Variants in SUGCT observed in about 807,000 individuals in gnomAD.
SUGCT encodes succinyl-CoA:glutarate CoA-transferase.
A neutral mutation model predicts 55.0 loss-of-function variants in SUGCT; 41 were observed. The ratio of observed to expected loss-of-function variants is 0.74; its 90% CI spans 0.58 to 0.97. SUGCT has a LOEUF of 0.97. Ranked by LOEUF, SUGCT falls within the 50% of genes least tolerant of loss-of-function variation. The probability of loss-of-function intolerance (pLI) is 0.00; values close to 1 mark genes in which losing one functional copy is unlikely to be tolerated. For missense variants in SUGCT, 568 were observed against 547.8 expected, an observed-to-expected ratio of 1.04 and a Z score of -0.37; for synonymous variants, 187 against 200.4, an observed-to-expected ratio of 0.93 and a Z score of 0.56.
At chr7:40,434,276 T>C (rs1305889173) in intron 9 of SUGCT, among the ~76,000 whole-genome samples, 1 of 152,204 alleles carries the variant, frequency 6.6e-6, no homozygotes, top group Non-Finnish European at 1.5e-5. Flanking sequence ...ATGTACAGAA[T>C]ACTATTCAGA....
At chr7:40,677,788 C>T (rs1342441124) in intron 12 of SUGCT, among the ~76,000 whole-genome samples, 2 of 152,292 alleles carry the variant, frequency 1.3e-5, no homozygotes, top group Non-Finnish European at 2.9e-5. Context: ...ACATAATATA[C>T]CCCCAAATGT....
At chr7:40,399,013 T>A (rs1288683280) in intron 9 of SUGCT, among the ~76,000 whole-genome samples, 1 of 152,200 alleles carries the variant, frequency 6.6e-6, no homozygotes, top group East Asian at 1.9e-4. Flanking sequence ...GTCTGATTGC[T>A]GTTTCACTGC....
intron 13 of SUGCT, among the ~76,000 whole-genome samples, chr7:40,822,363 G>C (rs1792065535): frequency 6.6e-6 from 1 of 152,078 alleles, no homozygotes; most frequent in African/African-American, 2.4e-5. Context: ...TGACAGTGGG[G>C]TGTTAAAGTC....
chr7:40,946,670 CTT>C, the SUGCT span, among the ~76,000 whole-genome samples: 3 of 152,176 alleles, frequency 2.0e-5, no homozygotes, highest in South Asian at 2.1e-4. Flanking sequence ...CTAGGAATGT[CTT>C]TATTTATTTT....
At chr7:40,359,586 A>C (rs1285752216) in intron 9 of SUGCT, among the ~76,000 whole-genome samples, 1 of 152,142 alleles carries the variant, frequency 6.6e-6, no homozygotes, top group African/African-American at 2.4e-5. Flanking sequence ...GTTTACCCCC[A>C]TGATATAAGA....
chr7:40,422,994 A>T (rs923416940), intron 9 of SUGCT, among the ~76,000 whole-genome samples: 5 of 152,188 alleles, frequency 3.3e-5, no homozygotes, highest in Non-Finnish European at 7.4e-5. Context: ...GCTGAATGTT[A>T]TGAATGAATG....
chr7:40,955,032 T>A, the SUGCT span, among the ~76,000 whole-genome samples: 1 of 152,230 alleles, frequency 6.6e-6, no homozygotes, highest in Non-Finnish European at 1.5e-5. Flanking sequence ...GCTGTTTTGG[T>A]TACTGTAGCC....
chr7:40,526,213 T>A (rs762295671), intron 12 of SUGCT, among the ~76,000 whole-genome samples: 2 of 152,190 alleles, frequency 1.3e-5, no homozygotes, highest in Non-Finnish European at 2.9e-5. Flanking sequence ...TTTTCTTTGT[T>A]AATTCTTTTC....
chr7:40,449,160 A>G (rs1454514601), intron 9 of SUGCT, 127 bp from the exon 10 acceptor site: 1 of 622,772 alleles, frequency 1.6e-6, no homozygotes, highest in Non-Finnish European at 2.8e-6. Context: ...AAAAGATACA[A>G]ATTAATCGAT....
chr7:40,175,494 A>G (rs980201153), intron 1 of SUGCT, among the ~76,000 whole-genome samples: 2 of 152,220 alleles, frequency 1.3e-5, no homozygotes, highest in African/African-American at 4.8e-5. Context: ...TGCTGGGATT[A>G]CAGGTGTGAA....
chr7:40,439,083 T>TG (rs1788349214), intron 9 of SUGCT, among the ~76,000 whole-genome samples: 1 of 118,506 alleles, frequency 8.4e-6, no homozygotes, highest in African/African-American at 3.8e-5. Flanking sequence ...TATATATATA[T>TG]ATATATATAT....
At chr7:40,929,748 A>G in the SUGCT span, among the ~76,000 whole-genome samples, 1 of 151,764 alleles carries the variant, frequency 6.6e-6, no homozygotes, top group African/African-American at 2.4e-5. Context: ...CATATCCTTC[A>G]CCCACTTTTT....
chr7:40,704,085 C>A (rs1562954985), intron 12 of SUGCT, among the ~76,000 whole-genome samples: 1 of 152,210 alleles, frequency 6.6e-6, no homozygotes, highest in African/African-American at 2.4e-5. Context: ...CCCTCTAGAG[C>A]CCTAGAGATT....
chr7:40,962,578 C>A, the SUGCT span, among the ~76,000 whole-genome samples: 1 of 133,566 alleles, frequency 7.5e-6, no homozygotes, highest in East Asian at 2.1e-4. Flanking sequence ...CACACACACA[C>A]ACACACACAC....
At chr7:40,284,467 G>A (rs577818777) in intron 8 of SUGCT, among the ~76,000 whole-genome samples, 1 of 151,930 alleles carries the variant, frequency 6.6e-6, no homozygotes, top group Non-Finnish European at 1.5e-5. Context: ...AATTAGCCAG[G>A]TGTGGTGGCG....
intron 1 of SUGCT, 72 bp downstream of exon 1, chr7:40,135,192 G>GA (rs2150563825): frequency 6.8e-7 from 1 of 1,475,036 alleles, no homozygotes; most frequent in Non-Finnish European, 9.1e-7. Context: ...GCGCCCTGAG[G>GA]AGAGCAATTA....
chr7:40,350,715 A>G (rs1011104527), intron 9 of SUGCT, among the ~76,000 whole-genome samples: 2 of 152,068 alleles, frequency 1.3e-5, no homozygotes, highest in African/African-American at 4.8e-5. Context: ...ATAGGTATAC[A>G]GGTGCCGTGG....
intron 12 of SUGCT, among the ~76,000 whole-genome samples, chr7:40,641,996 CTG>C (rs1390833879): frequency 6.6e-6 from 1 of 152,194 alleles, no homozygotes; most frequent in African/African-American, 2.4e-5. Context: ...AGAGGTCACT[CTG>C]TAATGTAGTG....
chr7:40,269,498 T>G (rs1035562410), intron 7 of SUGCT, among the ~76,000 whole-genome samples: 4 of 152,042 alleles, frequency 2.6e-5, no homozygotes, highest in African/African-American at 4.8e-5. Context: ...AATTTTTGTA[T>G]TTATCGTAGA....
Sources: allele counts gnomAD v4.1 joint callset (sites outside exome capture counted in the v4.1 genomes callset), GRCh38; gene constraint gnomAD v4.1.1; transcripts MANE v1.5; gene names NCBI Gene and HGNC (gene_info 2026-07-23, HGNC 2026-07-21).